The following EYA3 variants were observed in gnomAD, a reference collection of about 807,000 sequenced individuals.
EYA3 encodes the protein protein phosphatase EYA3.
In EYA3, 39 loss-of-function variants were observed where a neutral mutation model predicts 80.0. That is an observed-to-expected ratio of 0.49 (90% CI 0.38 to 0.64). EYA3 has a LOEUF of 0.64. EYA3 is among the 30% of genes least tolerant of loss of function. EYA3 has a pLI of 0.00. For missense variants in EYA3, 523 were observed against 676.1 expected (o/e 0.77, Z 2.51); for synonymous variants, 206 against 232.8 (o/e 0.88, Z 1.05).
chr1:28,060,002 C>T (rs1644565502), intron 1 of EYA3, among the ~76,000 whole-genome samples: 1 of 152,080 alleles, frequency 6.6e-6, no homozygotes, highest in African/African-American at 2.4e-5. Flanking sequence ...TACAGGCATA[C>T]ACCTGGCCAA....
intron 15 of EYA3, among the ~76,000 whole-genome samples, chr1:27,989,291 T>C (rs1454472852): frequency 6.6e-6 from 1 of 152,162 alleles, no homozygotes; most frequent in Non-Finnish European, 1.5e-5. Context: ...TTAATCTGCT[T>C]AATGTACCCT....
chr1:28,039,840 A>T (rs968937572), intron 4 of EYA3, among the ~76,000 whole-genome samples: 2 of 152,188 alleles, frequency 1.3e-5, no homozygotes, highest in Admixed American at 6.5e-5. Flanking sequence ...GATCACATTC[A>T]CCTCTAATCA....
intron 7 of EYA3, among the ~76,000 whole-genome samples, chr1:28,022,215 C>T (rs142921625): frequency 6.6e-6 from 1 of 152,142 alleles, no homozygotes; most frequent in Non-Finnish European, 1.5e-5. Context: ...GTGGCGCGAT[C>T]TCGACTCACT....
intron 2 of EYA3, among the ~76,000 whole-genome samples, chr1:28,051,358 A>C (rs977360890): frequency 6.6e-6 from 1 of 152,176 alleles, no homozygotes; most frequent in Middle Eastern, 3.2e-3. Flanking sequence ...AATGAAAAAA[A>C]AAATCCATTC....
intron 3 of EYA3, 30 bp from the exon 4 acceptor site, chr1:28,042,680 C>T (rs777917559): frequency 6.3e-7 from 1 of 1,583,208 alleles, no homozygotes; most frequent in Non-Finnish European, 8.7e-7. Context: ...TACATTAGCC[C>T]CTGATTGATT....
chr1:28,016,017 T>C (rs1433868839), intron 8 of EYA3, among the ~76,000 whole-genome samples: 1 of 152,146 alleles, frequency 6.6e-6, no homozygotes, highest in African/African-American at 2.4e-5. Context: ...GAAGCTGTAA[T>C]TATCATGAGG....
At chr1:28,079,416 G>A (rs113512095) in intron 1 of EYA3, among the ~76,000 whole-genome samples, 2,373 of 151,922 alleles carry the variant, frequency 0.016, 45 homozygotes, top group Middle Eastern at 0.051. Context: ...TCTTTTTTTG[G>A]TTTACAAAGA....
chr1:28,039,565 T>A (rs1175751616), intron 4 of EYA3, among the ~76,000 whole-genome samples: 1 of 152,218 alleles, frequency 6.6e-6, no homozygotes, highest in East Asian at 1.9e-4. Flanking sequence ...TGACTTCATC[T>A]GGAATAGCTG....
chr1:28,009,444 GT>G lies in EYA3; in HGVS notation c.909+1502del, dbSNP rs1641530835. 6.6e-6 allele frequency among the ~76,000 whole-genome samples: 1 copy of G among 152,160 alleles called. No individual in the cohort carries two copies. The highest frequency in any genetic ancestry group is 2.4e-5 in the African/African-American group (1 of 41,450). ...AGGCAGGCGGATCACGAGGTCAGGA[GT>G]TTAAGAACAGACTGACCAACATGTT... On this transcript the variant is annotated intron_variant, in intron 10 of 17. Transcript: ENST00000373871. The surrounding 1 kb of genome is among the most constrained non-coding windows in gnomAD (Gnocchi z 4.8).
At chr1:28,057,418 T>C (rs980431530) in intron 2 of EYA3, among the ~76,000 whole-genome samples, 6 of 152,098 alleles carry the variant, frequency 3.9e-5, no homozygotes, top group Admixed American at 1.3e-4. Flanking sequence ...GCATAAAAGT[T>C]ATCTTAAAAG....
intron 7 of EYA3, among the ~76,000 whole-genome samples, chr1:28,019,145 G>A (rs889651110): frequency 6.6e-6 from 1 of 152,000 alleles, no homozygotes; most frequent in Non-Finnish European, 1.5e-5. Flanking sequence ...CAGCCTGGGC[G>A]ACAGAGTGAC....
Position 27,971,860 on chromosome 1 carries a change from G to C in EYA3, c.*2606C>G, listed in dbSNP as rs982608210. 3.3e-5 allele frequency: 5 copies of C among 152,082 alleles called. No individual in the cohort carries two copies. Among genetic ancestry groups the C allele is most frequent in the African/African-American group, 1.2e-4 (5 of 41,418 alleles). The allele number at this position is 152,082 out of a possible 1,614,324, so 9.4% of individuals were successfully genotyped here. A position where few individuals can be genotyped will look rare whatever the true frequency, so the allele number is the denominator to read the frequency against. On this transcript the variant is annotated 3_prime_UTR_variant, in exon 18 of 18. Transcript: ENST00000373871. Reference sequence around the variant, plus strand: ...CTGTGTTCCCTGGACAATTCATTTTGGCAAACAGCCAAGAAGCTCCTGTTT... The same window carrying C: ...CTGTGTTCCCTGGACAATTCATTTTCGCAAACAGCCAAGAAGCTCCTGTTT...
intron 2 of EYA3, among the ~76,000 whole-genome samples, chr1:28,050,991 T>C (rs1644226363): frequency 6.6e-6 from 1 of 152,102 alleles, no homozygotes. Flanking sequence ...CACAGCAAAG[T>C]GAGCAAAGAT....
chr1:28,039,676 G>T (rs1643663485), intron 4 of EYA3, among the ~76,000 whole-genome samples: 1 of 152,178 alleles, frequency 6.6e-6, no homozygotes, highest in Non-Finnish European at 1.5e-5. Flanking sequence ...TAGGTTCCCT[G>T]GAAGAGTACC....
In EYA3 at chr1:28,013,500, G is replaced by A. The variant is rs1030485011; in HGVS notation, c.586-206C>T. ...GAAACCTAAGTCAAGAGATGTCCCA[G>A]GAGCAGTCTTGGAATGAGGAAATGC... On this transcript the variant is annotated intron_variant, in intron 8 of 17. Coordinates refer to ENST00000373871, the MANE Select transcript of EYA3 (RefSeq NM_001990.4). This position sits in a 1 kb window ranked among gnomAD's most constrained non-coding sequence, Gnocchi z 4.0. Among the ~76,000 whole-genome samples the A allele has an allele frequency of 2.6e-5, 4 of 152,114 alleles. No individual in the cohort carries two copies. Among genetic ancestry groups the A allele is most frequent in the South Asian group, 4.1e-4 (2 of 4,824 alleles).
rs1236440930 is a variant in EYA3, at chr1:27,989,667, G to C, written c.1418+30C>G. 3.6e-6 allele frequency: 5 copies of C among 1,406,374 alleles called. No individual in the cohort carries two copies. In the African/African-American group the frequency reaches 7.1e-5, roughly 20 times the overall value. 87.1% of individuals were successfully genotyped at this position (1,406,374 alleles called of 1,614,324 possible). ...GGAGTAGAAGAATATGTCGCTGAGAGGATGAGACCTAAAAGAACCATTTCC... is the reference window on the plus strand; with the variant it reads ...GGAGTAGAAGAATATGTCGCTGAGACGATGAGACCTAAAAGAACCATTTCC... On this transcript the variant is annotated intron_variant, in intron 15 of 17. Transcript: ENST00000373871.
intron 1 of EYA3, among the ~76,000 whole-genome samples, chr1:28,074,895 T>C (rs1341620479): frequency 6.6e-6 from 1 of 152,246 alleles, no homozygotes; most frequent in Non-Finnish European, 1.5e-5. Context: ...TTTCTTTTAG[T>C]GACTTTCCTG....
intron 16 of EYA3, among the ~76,000 whole-genome samples, chr1:27,981,508 T>C (rs762427203): frequency 5.3e-5 from 8 of 152,086 alleles, no homozygotes; most frequent in Non-Finnish European, 8.8e-5. Flanking sequence ...AGGGAGCGCT[T>C]TCATATATGT....
At chr1:28,070,119 T>C (rs911914255) in intron 1 of EYA3, among the ~76,000 whole-genome samples, 6 of 152,234 alleles carry the variant, frequency 3.9e-5, no homozygotes, top group African/African-American at 1.2e-4. Flanking sequence ...TAATTTGTTA[T>C]GGCAGCCACA....
Sources: allele counts gnomAD v4.1 joint callset (sites outside exome capture counted in the v4.1 genomes callset), GRCh38; gene constraint gnomAD v4.1.1; non-coding constraint Gnocchi (gnomAD v3.1); transcripts MANE v1.5; gene names NCBI Gene and HGNC (gene_info 2026-07-23, HGNC 2026-07-21).